The following WBP2NL variants were observed in gnomAD, a reference collection of about 807,000 sequenced individuals.
WBP2NL encodes postacrosomal sheath WW domain-binding protein.
Under a neutral mutation model 23.3 loss-of-function variants are expected in WBP2NL, and 27 were observed. That is an observed-to-expected ratio of 1.16 (90% CI 0.85 to 1.60). WBP2NL has a LOEUF of 1.60. WBP2NL is among the 40% of genes most tolerant of loss of function. The pLI, the probability that WBP2NL is intolerant of heterozygous loss-of-function variation, is 0.00. For missense variants in WBP2NL, 370 were observed against 389.5 expected (o/e 0.95, Z 0.42); for synonymous variants, 151 against 145.9 (o/e 1.03, Z -0.25).
At chr22:42,024,646 C>A (rs1924311416) in intron 5 of WBP2NL, among the ~76,000 whole-genome samples, 1 of 152,008 alleles carries the variant, frequency 6.6e-6, no homozygotes, top group Admixed American at 6.6e-5. Flanking sequence ...GGAGAACTGT[C>A]CAAGTCTTTT....
chr22:42,009,915 T>C (rs909331296), intron 1 of WBP2NL, among the ~76,000 whole-genome samples: 1 of 151,514 alleles, frequency 6.6e-6, no homozygotes. Context: ...CGTCTTAGCC[T>C]TATTAAGTTT....
chr22:42,049,695 CAAAACAAAACAAAAAAAA>C (rs1190785609), intron 8 of WBP2NL, among the ~76,000 whole-genome samples: 30 of 22,854 alleles, frequency 1.3e-3, no homozygotes, highest in African/African-American at 4.6e-3. Flanking sequence ...GTCTCCAAAA[CAAAACAAAACAAAAAAAA>C]AAAAAAAAAA....
At chr22:42,007,216 GTTTTGTTTTTT>G in intron 1 of WBP2NL, among the ~76,000 whole-genome samples, 1 of 151,884 alleles carries the variant, frequency 6.6e-6, no homozygotes, top group Non-Finnish European at 1.5e-5. Context: ...CTGGGTTTTT[GTTTTGTTTTTT>G]GTTTGTTTGT....
chr22:42,022,587 T>C (rs1327682708), intron 5 of WBP2NL, among the ~76,000 whole-genome samples: 1 of 152,218 alleles, frequency 6.6e-6, no homozygotes, highest in Non-Finnish European at 1.5e-5. Context: ...ACCTGGAACA[T>C]ACTTGGCAAT....
intron 1 of WBP2NL, chr22:42,001,890 A>G (rs1482324724): frequency 4.8e-6 from 7 of 1,472,660 alleles, no homozygotes; most frequent in African/African-American, 1.4e-5. Context: ...GATGGGTGCT[A>G]CCGCCATCTT....
chr22:42,020,168 T>G, intron 4 of WBP2NL, 72 bp downstream of exon 4: 1 of 1,379,000 alleles, frequency 7.3e-7, no homozygotes, highest in Non-Finnish European at 1.0e-6. Flanking sequence ...TTTGTTGTTG[T>G]TGTTGCTGTT....
intron 1 of WBP2NL, among the ~76,000 whole-genome samples, chr22:42,007,937 G>A (rs919037031): frequency 5.9e-5 from 9 of 152,232 alleles, no homozygotes; most frequent in African/African-American, 1.2e-4. Context: ...TTGCTAGCTT[G>A]TACGGTAGTT....
At chr22:42,024,103 T>A (rs1166626892) in intron 5 of WBP2NL, among the ~76,000 whole-genome samples, 1 of 152,242 alleles carries the variant, frequency 6.6e-6, no homozygotes, top group South Asian at 2.1e-4. Flanking sequence ...TGACCTTTTG[T>A]GTTTGGCTTA....
At chr22:42,056,934 CTTA>C (rs1338838295) in intron 8 of WBP2NL, among the ~76,000 whole-genome samples, 1 of 152,094 alleles carries the variant, frequency 6.6e-6, no homozygotes, top group Non-Finnish European at 1.5e-5. Context: ...AGTTGTAAAT[CTTA>C]TTGAGACTCC....
chr22:42,044,308 C>T (rs1387220049), intron 8 of WBP2NL, among the ~76,000 whole-genome samples: 3 of 151,992 alleles, frequency 2.0e-5, no homozygotes, highest in African/African-American at 4.8e-5. Context: ...TGGCCTGAAG[C>T]GATCCTCCCA....
rs772841444 is a variant in WBP2NL at position 41,998,804 on chromosome 22, G to A, written c.-15G>A. The A allele has an allele frequency of 1.9e-5, 30 of 1,607,184 alleles. No homozygotes were observed. In the South Asian group the frequency reaches 2.3e-4, roughly 12 times the overall value. On this transcript the variant is annotated 5_prime_UTR_variant, in exon 1 of 6. Coordinates refer to ENST00000328823, the MANE Select transcript of WBP2NL (RefSeq NM_152613.3). ...CCCCTTTCCATCTACGGGGCGGCAG[G>A]AGGCCCGAAGCAAGATGGCGGTGAA...
At chr22:42,046,953 A>C (rs2088417905) in intron 8 of WBP2NL, among the ~76,000 whole-genome samples, 1 of 152,188 alleles carries the variant, frequency 6.6e-6, no homozygotes, top group African/African-American at 2.4e-5. Flanking sequence ...TAGACTTTTC[A>C]GGTATCTAAC....
chr22:42,006,243 C>T (rs988973268), intron 1 of WBP2NL, among the ~76,000 whole-genome samples: 9 of 145,672 alleles, frequency 6.2e-5, no homozygotes, highest in African/African-American at 1.0e-4. Context: ...TTTTTCGAGA[C>T]GGAGTCTCGC....
chr22:41,998,956 C>T (rs530091906), intron 1 of WBP2NL, 76 bp downstream of exon 1: 3 of 1,504,264 alleles, frequency 2.0e-6, no homozygotes, highest in South Asian at 2.4e-5. Context: ...CGCAAACTCT[C>T]AGCGAGTCAG....
chr22:42,009,637 A>C (rs182589056), intron 1 of WBP2NL, among the ~76,000 whole-genome samples: 1 of 152,320 alleles, frequency 6.6e-6, no homozygotes, highest in East Asian at 1.9e-4. Context: ...TCTCACATAT[A>C]TGTGAAGATT....
chr22:42,018,368 A>AAGGGAAG (rs1375259786), intron 1 of WBP2NL, among the ~76,000 whole-genome samples: 1 of 148,802 alleles, frequency 6.7e-6, no homozygotes, highest in Non-Finnish European at 1.5e-5. Flanking sequence ...AAAGGAAGGG[A>AAGGGAAG]AGGGAAGAAG....
intron 1 of WBP2NL, among the ~76,000 whole-genome samples, chr22:42,010,018 C>T (rs1569447127): frequency 6.6e-6 from 1 of 152,186 alleles, no homozygotes; most frequent in Non-Finnish European, 1.5e-5. Context: ...AAACCTTTCA[C>T]CTCCTTGGTG....
intron 1 of WBP2NL, among the ~76,000 whole-genome samples, chr22:42,018,861 G>C (rs994092394): frequency 2.0e-5 from 3 of 150,622 alleles, no homozygotes; most frequent in Non-Finnish European, 2.9e-5. Context: ...TAAAATAGTA[G>C]TAGTAGTAAT....
downstream of WBP2NL, chr22:42,031,297 T>G (rs1456433711): frequency 6.6e-6 from 1 of 152,214 alleles, no homozygotes; most frequent in Non-Finnish European, 1.5e-5. Flanking sequence ...TGGTTTTTGC[T>G]TTGCTGAGGA....
Sources: allele counts gnomAD v4.1 joint callset (sites outside exome capture counted in the v4.1 genomes callset), GRCh38; gene constraint gnomAD v4.1.1; transcripts MANE v1.5; gene names NCBI Gene and HGNC (gene_info 2026-07-23, HGNC 2026-07-21).